Variants in FER observed in about 807,000 individuals in gnomAD.
The protein encoded by FER is tyrosine-protein kinase Fer.
A neutral mutation model predicts 111.0 loss-of-function variants in FER; 63 were observed. The observed-to-expected ratio is 0.57, with a 90% CI of 0.46 to 0.70. The LOEUF (loss-of-function observed/expected upper bound fraction) is 0.70. Ranked by LOEUF, FER falls within the 30% of genes least tolerant of loss-of-function variation. The pLI, the probability that FER is intolerant of heterozygous loss-of-function variation, is 0.00. For synonymous variants in FER, 327 were observed against 313.9 expected (o/e 1.04, Z -0.44); for missense variants, 914 against 954.0 (o/e 0.96, Z 0.55).
intron 17 of FER, among the ~76,000 whole-genome samples, chr5:109,168,790 T>TA (rs1307581414): frequency 1.3e-5 from 2 of 152,236 alleles, no homozygotes; most frequent in Non-Finnish European, 2.9e-5. Context: ...GATCCTATGA[T>TA]ACCCACTTGC....
At chr5:109,102,619 A>G (rs1748382604) in intron 17 of FER, among the ~76,000 whole-genome samples, 2 of 152,126 alleles carry the variant, frequency 1.3e-5, no homozygotes, top group South Asian at 2.1e-4. Flanking sequence ...ACTTTTCCTT[A>G]CTAGCAACAA....
chr5:108,933,762 T>C (rs963888448), intron 10 of FER, among the ~76,000 whole-genome samples: 5 of 152,214 alleles, frequency 3.3e-5, no homozygotes, highest in Admixed American at 2.0e-4. Context: ...CATTTGTTTG[T>C]GTCCTCTCTG....
At chr5:109,159,896 A>G (rs990468003) in intron 17 of FER, among the ~76,000 whole-genome samples, 3 of 151,726 alleles carry the variant, frequency 2.0e-5, no homozygotes, top group Admixed American at 2.0e-4. Flanking sequence ...ATAAAAAACC[A>G]TTGACTAGTT....
intron 2 of FER, among the ~76,000 whole-genome samples, chr5:108,789,043 A>G (rs1477537062): frequency 2.1e-5 from 3 of 144,834 alleles, no homozygotes; most frequent in African/African-American, 8.7e-5. Context: ...ATCAAAATCT[A>G]TCTTTGTGTC....
chr5:108,806,929 G>A (rs890600162), intron 3 of FER, among the ~76,000 whole-genome samples: 1 of 152,128 alleles, frequency 6.6e-6, no homozygotes, highest in Non-Finnish European at 1.5e-5. Flanking sequence ...TTTGAAATGT[G>A]AGGACATGAG....
At position 109,061,511 on chromosome 5, in the gene FER, T is replaced by G. The variant is rs139565724; in HGVS notation, c.1924+14313T>G. Among the ~76,000 whole-genome samples the G allele has an allele frequency of 7.9e-3, 1,201 of 152,310 alleles. 13 individuals carry two copies. Among genetic ancestry groups the G allele is most frequent in the African/African-American group, 0.028 (1,163 of 41,564 alleles). ...AACATCAGTTAAATAGAAAGTAGGCTAATAGTACTCTATTTCTACTATTGT... is the reference window on the plus strand; with the variant it reads ...AACATCAGTTAAATAGAAAGTAGGCGAATAGTACTCTATTTCTACTATTGT... On this transcript the variant is annotated intron_variant, in intron 16 of 19. Coordinates refer to ENST00000281092, the MANE Select transcript of FER (RefSeq NM_005246.4).
intron 10 of FER, among the ~76,000 whole-genome samples, chr5:108,907,051 C>G (rs1303923553): frequency 2.6e-5 from 4 of 152,104 alleles, no homozygotes; most frequent in Non-Finnish European, 1.5e-5. Flanking sequence ...ACTACAATGT[C>G]TTCATCGGTA....
intron 1 of FER, among the ~76,000 whole-genome samples, chr5:108,761,546 C>A (rs1175988497): frequency 1.3e-5 from 2 of 152,020 alleles, no homozygotes; most frequent in East Asian, 3.9e-4. Context: ...CACAGATGAC[C>A]ATAAAAGATA....
At chr5:109,128,930 TA>T (rs1392068336) in intron 17 of FER, among the ~76,000 whole-genome samples, 1 of 152,082 alleles carries the variant, frequency 6.6e-6, no homozygotes, top group East Asian at 1.9e-4. Context: ...AAACATTTTA[TA>T]AAGCTATAGT....
intron 5 of FER, 62 bp from the exon 6 acceptor site, chr5:108,867,705 G>A: frequency 1.4e-6 from 2 of 1,465,400 alleles, no homozygotes; most frequent in Non-Finnish European, 1.9e-6. Context: ...TTTGTATGTA[G>A]TGAAGATACA....
intron 17 of FER, among the ~76,000 whole-genome samples, chr5:109,173,655 T>C (rs1757373745): frequency 6.6e-6 from 1 of 152,116 alleles, no homozygotes; most frequent in African/African-American, 2.4e-5. Context: ...TGTCAGAACA[T>C]ATCAGCCCTG....
At chr5:108,920,516 T>G (rs927643571) in intron 10 of FER, among the ~76,000 whole-genome samples, 2 of 141,092 alleles carry the variant, frequency 1.4e-5, no homozygotes, top group African/African-American at 5.7e-5. Context: ...TCCCACAGTC[T>G]TCTTAGGGTA....
intron 13 of FER, among the ~76,000 whole-genome samples, chr5:108,998,183 G>GAAAAA (rs915109794): frequency 1.4e-5 from 1 of 71,420 alleles, no homozygotes; most frequent in Non-Finnish European, 2.8e-5. Flanking sequence ...ACCGGGGTAT[G>GAAAAA]AAAAAAAAAA....
At chr5:108,996,930 T>C (rs1362020790) in intron 13 of FER, among the ~76,000 whole-genome samples, 1 of 152,188 alleles carries the variant, frequency 6.6e-6, no homozygotes, top group East Asian at 1.9e-4. Flanking sequence ...TGTCCTCTTT[T>C]ACTTCCTTGT....
In FER at chr5:108,801,365, C is replaced by G. The variant is rs7714505; in HGVS notation, c.207+2976C>G. On this transcript the variant is annotated intron_variant, in intron 3 of 19. Transcript: ENST00000281092. ...CTGTTCCATTCATATTTTTGTCTAT[C>G]ATGACATCAGTAACACATTTAATTA... Among the ~76,000 whole-genome samples the G allele has an allele frequency of 6.2e-3, 939 of 152,280 alleles. 14 individuals carry two copies. Among genetic ancestry groups the G allele is most frequent in the African/African-American group, 0.022 (905 of 41,550 alleles).
intron 13 of FER, among the ~76,000 whole-genome samples, chr5:109,004,487 G>A (rs956508889): frequency 4.6e-5 from 7 of 152,108 alleles, no homozygotes; most frequent in African/African-American, 1.4e-4. Flanking sequence ...ACAACAAGGA[G>A]CTGTAAATGA....
At chr5:108,875,349 A>G (rs1764982518) in intron 8 of FER, among the ~76,000 whole-genome samples, 1 of 152,008 alleles carries the variant, frequency 6.6e-6, no homozygotes, top group Non-Finnish European at 1.5e-5. Context: ...TGTATCTATT[A>G]TATATAATAT....
At chr5:109,160,340 T>C (rs1755859002) in intron 17 of FER, among the ~76,000 whole-genome samples, 1 of 152,164 alleles carries the variant, frequency 6.6e-6, no homozygotes, top group African/African-American at 2.4e-5. Context: ...CCTTGCTGCA[T>C]CCTAAATGCA....
intron 2 of FER, among the ~76,000 whole-genome samples, chr5:108,780,677 C>T (rs1753963238): frequency 6.6e-6 from 1 of 152,020 alleles, no homozygotes; most frequent in South Asian, 2.1e-4. Flanking sequence ...TTAGTGCTGA[C>T]ATTGATTTGG....
Sources: gnomAD v4.1 joint callset for allele counts (sites outside exome capture counted in the v4.1 genomes callset) on GRCh38, gnomAD v4.1.1 for gene constraint, MANE v1.5 for transcripts, NCBI Gene and HGNC (gene_info 2026-07-23, HGNC 2026-07-21) for gene names.